SRD5A2: variants seen among roughly 807,000 people sequenced by gnomAD.
The protein encoded by SRD5A2 is 3-oxo-5-alpha-steroid 4-dehydrogenase 2.
SRD5A2 carries 30 observed loss-of-function variants against 27.4 expected under a neutral mutation model. The ratio of observed to expected loss-of-function variants is 1.10; its 90% CI spans 0.82 to 1.49. The LOEUF is 1.49. Ranked by LOEUF, SRD5A2 falls within the 40% of genes most tolerant of loss-of-function variation. SRD5A2 has a pLI of 0.00. For synonymous variants in SRD5A2, 141 were observed against 133.6 expected (o/e 1.06, Z -0.38); for missense variants, 348 against 323.4 (o/e 1.08, Z -0.58).
At chr2:31,548,390 T>TCAA (rs752714153) in intron 1 of SRD5A2, among the ~76,000 whole-genome samples, 1 of 151,926 alleles carries the variant, frequency 6.6e-6, no homozygotes, top group Non-Finnish European at 1.5e-5. Flanking sequence ...CTCCTAAAAC[T>TCAA]CAACAACAAC....
the SRD5A2 span, among the ~76,000 whole-genome samples, chr2:31,627,433 G>GGGGT: frequency 4.7e-5 from 7 of 149,820 alleles, no homozygotes; most frequent in Admixed American, 2.0e-4. Flanking sequence ...TTTGTACGGG[G>GGGGT]GTGTGTGTGT....
chr2:31,594,655 C>G, the SRD5A2 span, among the ~76,000 whole-genome samples: 988 of 152,202 alleles, frequency 6.5e-3, 15 homozygotes, highest in African/African-American at 0.022. Context: ...GTCATCAAGA[C>G]AGAAAGTCAA....
the SRD5A2 span, among the ~76,000 whole-genome samples, chr2:31,599,829 A>AT: frequency 1.3e-5 from 2 of 151,792 alleles, no homozygotes; most frequent in Non-Finnish European, 2.9e-5. Context: ...AATGTAAAAG[A>AT]TTTTTTTCTT....
At chr2:31,614,372 T>C in the SRD5A2 span, among the ~76,000 whole-genome samples, 2 of 152,242 alleles carry the variant, frequency 1.3e-5, no homozygotes, top group African/African-American at 4.8e-5. Context: ...TTTGCCTCCA[T>C]ATCTCACATC....
the SRD5A2 span, among the ~76,000 whole-genome samples, chr2:31,628,469 C>T: frequency 2.0e-5 from 3 of 152,128 alleles, no homozygotes; most frequent in African/African-American, 7.2e-5. Flanking sequence ...GGCCTGTTTG[C>T]ATTCAAGGTT....
At chr2:31,622,528 A>G in the SRD5A2 span, among the ~76,000 whole-genome samples, 1 of 152,114 alleles carries the variant, frequency 6.6e-6, no homozygotes, top group Admixed American at 6.6e-5. Flanking sequence ...TCAACTTTTG[A>G]AGCATTGTTT....
intron 1 of SRD5A2, among the ~76,000 whole-genome samples, chr2:31,559,048 C>T (rs1486925802): frequency 6.6e-6 from 1 of 152,200 alleles, no homozygotes; most frequent in African/African-American, 2.4e-5. Context: ...TACCTCTGAA[C>T]TTGTTTATAT....
chr2:31,635,030 A>G, the SRD5A2 span, among the ~76,000 whole-genome samples: 3 of 152,122 alleles, frequency 2.0e-5, no homozygotes, highest in Non-Finnish European at 2.9e-5. Flanking sequence ...TTGATTTCCT[A>G]TCTTTCAGAT....
chr2:31,661,024 T>C, the SRD5A2 span, among the ~76,000 whole-genome samples: 1 of 152,092 alleles, frequency 6.6e-6, no homozygotes, highest in South Asian at 2.1e-4. Flanking sequence ...CTCAAGTTAG[T>C]CAGATTTTAG....
At chr2:31,587,767 G>A in the SRD5A2 span, among the ~76,000 whole-genome samples, 4 of 152,126 alleles carry the variant, frequency 2.6e-5, no homozygotes, top group Non-Finnish European at 5.9e-5. Context: ...GTCAAGGGGA[G>A]GGAGAGCGTT....
the SRD5A2 span, among the ~76,000 whole-genome samples, chr2:31,636,052 T>A: frequency 6.6e-6 from 1 of 152,096 alleles, no homozygotes; most frequent in African/African-American, 2.4e-5. Flanking sequence ...CATATAAATT[T>A]TAGGATTTTT....
chr2:31,644,881 C>T, the SRD5A2 span, among the ~76,000 whole-genome samples: 1 of 152,124 alleles, frequency 6.6e-6, no homozygotes, highest in Non-Finnish European at 1.5e-5. Flanking sequence ...TCATATTTCT[C>T]TAAAATGGTT....
the SRD5A2 span, among the ~76,000 whole-genome samples, chr2:31,658,859 C>T: frequency 6.6e-6 from 1 of 152,110 alleles, no homozygotes; most frequent in East Asian, 1.9e-4. Context: ...TTCCTTAACT[C>T]ATCCTATGAG....
chr2:31,530,403 A>G (rs1665881146), intron 3 of SRD5A2, among the ~76,000 whole-genome samples: 1 of 152,166 alleles, frequency 6.6e-6, no homozygotes, highest in African/African-American at 2.4e-5. Context: ...AGTGGTTCCC[A>G]ACCTGTGATT....
rs1053623256 is a variant in SRD5A2, at chr2:31,522,993, T to A, written c.*3203A>T. 1 of 220,920 alleles carries A rather than the reference T, an allele frequency of 4.5e-6. No homozygotes were observed. The highest frequency in any genetic ancestry group is 9.1e-6 in the Non-Finnish European group (1 of 110,368). The allele number at this position is 220,920 out of a possible 1,614,324, so 13.7% of individuals were successfully genotyped here. ...CAGGGTTGTAAAACCACGGATTTAT[T>A]TATTTGTTCCTGAAAGGGTCTAAGC... On this transcript the variant is annotated 3_prime_UTR_variant, in exon 5 of 5. Transcript: ENST00000622030.
At chr2:31,648,908 G>C in the SRD5A2 span, among the ~76,000 whole-genome samples, 1 of 152,156 alleles carries the variant, frequency 6.6e-6, no homozygotes, top group Non-Finnish European at 1.5e-5. Context: ...TGCTTCAGTT[G>C]CCAGGCACCT....
the SRD5A2 span, among the ~76,000 whole-genome samples, chr2:31,657,765 C>T: frequency 6.6e-6 from 1 of 152,018 alleles, no homozygotes; most frequent in Non-Finnish European, 1.5e-5. Context: ...ACTAGGCTTT[C>T]AGGAAAAATA....
At chr2:31,554,227 C>CA in intron 1 of SRD5A2, among the ~76,000 whole-genome samples, 1 of 151,958 alleles carries the variant, frequency 6.6e-6, no homozygotes, top group Non-Finnish European at 1.5e-5. Flanking sequence ...GTATCTTTCT[C>CA]AAAAAATGTC....
At chr2:31,590,715 C>G in the SRD5A2 span, among the ~76,000 whole-genome samples, 1 of 152,142 alleles carries the variant, frequency 6.6e-6, no homozygotes, top group Non-Finnish European at 1.5e-5. Flanking sequence ...CAGCATGGTA[C>G]TGGTACCAAA....
Sources: allele counts gnomAD v4.1 joint callset (sites outside exome capture counted in the v4.1 genomes callset), GRCh38; gene constraint gnomAD v4.1.1; transcripts MANE v1.5; gene names NCBI Gene and HGNC (gene_info 2026-07-23, HGNC 2026-07-21).